Variants in ATP8A2 observed in about 807,000 individuals in gnomAD.
ATP8A2 encodes ATPase phospholipid transporting 8A2.
A neutral mutation model predicts 165.6 loss-of-function variants in ATP8A2; 100 were observed. The ratio of observed to expected loss-of-function variants is 0.60; its 90% CI spans 0.51 to 0.71. ATP8A2 has a LOEUF of 0.71. Among genes scored for constraint, ATP8A2 ranks in the 30% least tolerant of loss-of-function variants. ATP8A2 has a pLI of 0.00. For synonymous variants in ATP8A2, 543 were observed against 548.8 expected, an observed-to-expected ratio of 0.99 and a Z score of 0.15; for missense variants, 1,227 against 1,479.5, an observed-to-expected ratio of 0.83 and a Z score of 2.80.
chr13:25,586,653 A>G (rs1438810737), intron 23 of ATP8A2, among the ~76,000 whole-genome samples: 1 of 152,220 alleles, frequency 6.6e-6, no homozygotes, highest in African/African-American at 2.4e-5. Context: ...AGAACCAGTA[A>G]CATGCTCACT....
At chr13:25,830,864 G>A (rs1352289330) in intron 28 of ATP8A2, among the ~76,000 whole-genome samples, 4 of 152,282 alleles carry the variant, frequency 2.6e-5, no homozygotes, top group African/African-American at 7.2e-5. Flanking sequence ...GTCAATAGTA[G>A]CAAGAGCTTC....
intron 1 of ATP8A2, among the ~76,000 whole-genome samples, chr13:25,393,253 C>T (rs1253295046): frequency 6.6e-6 from 1 of 151,730 alleles, no homozygotes; most frequent in African/African-American, 2.4e-5. Context: ...CTTCAGTCTC[C>T]TGAGTATCTG....
intron 33 of ATP8A2, among the ~76,000 whole-genome samples, chr13:25,880,089 C>G (rs1180965821): frequency 6.6e-6 from 1 of 152,168 alleles, no homozygotes; most frequent in Non-Finnish European, 1.5e-5. Context: ...CATGGAGTGG[C>G]CTGTCCATGG....
intron 28 of ATP8A2, among the ~76,000 whole-genome samples, chr13:25,834,054 A>G (rs928609645): frequency 1.3e-5 from 2 of 152,238 alleles, no homozygotes; most frequent in Admixed American, 6.5e-5. Context: ...GCTCAAACTC[A>G]CTGATAGTTG....
chr13:25,877,417 A>T (rs1401472285), intron 33 of ATP8A2, among the ~76,000 whole-genome samples: 1 of 152,160 alleles, frequency 6.6e-6, no homozygotes. Flanking sequence ...GGAACATCTG[A>T]CTCATAAAGC....
chr13:25,500,856 C>T (rs1181649815), intron 2 of ATP8A2, among the ~76,000 whole-genome samples: 1 of 152,136 alleles, frequency 6.6e-6, no homozygotes, highest in African/African-American at 2.4e-5. Flanking sequence ...GGATTACAGG[C>T]GTGAGCCACC....
chr13:25,914,518 C>G (rs1954211620), intron 33 of ATP8A2, among the ~76,000 whole-genome samples: 2 of 152,174 alleles, frequency 1.3e-5, no homozygotes, highest in South Asian at 2.1e-4. Flanking sequence ...TTTTTATGCT[C>G]TTACTATTCC....
chr13:25,722,531 T>C (rs1013913599), intron 25 of ATP8A2, among the ~76,000 whole-genome samples: 2 of 152,220 alleles, frequency 1.3e-5, no homozygotes, highest in African/African-American at 4.8e-5. Flanking sequence ...ATCCTGTACA[T>C]GCTATGTATT....
At position 25,876,468 on chromosome 13, in the gene ATP8A2, G is replaced by C. The variant is rs1952822198; in HGVS notation, c.3183+14060G>C. Reference sequence around the variant, plus strand: ...TTGATAACGGGAGGACGAGGAGCCTGACTGTGATGGGGAAGGCCAGGTGGA... The same window carrying C: ...TTGATAACGGGAGGACGAGGAGCCTCACTGTGATGGGGAAGGCCAGGTGGA... On this transcript the variant is annotated intron_variant, in intron 33 of 36. Transcript: ENST00000381655. Among the ~76,000 whole-genome samples the C allele has an allele frequency of 2.6e-5, 4 of 152,304 alleles. No individual in the cohort carries two copies. The South Asian group carries it at 8.3e-4, about 32-fold the overall frequency.
Position 26,007,033 on chromosome 13 carries a change from G to C in ATP8A2, c.3378-5498G>C, listed in dbSNP as rs371256947. ...AACATAGATCTAAATTGCTTTTTCT[G>C]TGCCAATCTGTACTCCTCTTTTCTT... On this transcript the variant is annotated intron_variant, in intron 35 of 36. Transcript: ENST00000381655. 9.5e-5 allele frequency among the ~76,000 whole-genome samples: 14 copies of C among 148,016 alleles called. No individual in the cohort carries two copies. In the East Asian group the frequency reaches 2.2e-3, roughly 23 times the overall value.
intron 24 of ATP8A2, among the ~76,000 whole-genome samples, chr13:25,655,524 A>G (rs79945550): frequency 0.034 from 5,233 of 152,208 alleles, 156 homozygotes; most frequent in East Asian, 0.13. Context: ...AGATGGTAGG[A>G]AATAGTGAAG....
chr13:25,486,580 T>C (rs1354462161), intron 2 of ATP8A2, among the ~76,000 whole-genome samples: 1 of 152,210 alleles, frequency 6.6e-6, no homozygotes, highest in Non-Finnish European at 1.5e-5. Flanking sequence ...TAAAAGAAAC[T>C]TATGTGCTGC....
At chr13:25,515,811 A>T (rs1183711494) in intron 2 of ATP8A2, among the ~76,000 whole-genome samples, 5 of 152,162 alleles carry the variant, frequency 3.3e-5, no homozygotes, top group African/African-American at 4.8e-5. Flanking sequence ...TCATGTCTCT[A>T]TGTTGGATTT....
At chr13:25,479,068 G>A (rs533713635) in intron 2 of ATP8A2, among the ~76,000 whole-genome samples, 2 of 152,052 alleles carry the variant, frequency 1.3e-5, no homozygotes, top group Non-Finnish European at 2.9e-5. Context: ...GGATGGTATC[G>A]ATCTCCTGAC....
intron 30 of ATP8A2, among the ~76,000 whole-genome samples, chr13:25,852,017 T>C (rs1021251878): frequency 6.6e-6 from 1 of 152,050 alleles, no homozygotes; most frequent in African/African-American, 2.4e-5. Context: ...TTCTTCATAT[T>C]GGTTCTCTCT....
intron 2 of ATP8A2, among the ~76,000 whole-genome samples, chr13:25,485,408 G>C (rs908573574): frequency 2.0e-5 from 3 of 152,234 alleles, no homozygotes; most frequent in African/African-American, 7.2e-5. Context: ...AACAACATAA[G>C]GGAAGATTTC....
chr13:25,604,528 T>C (rs1410569587), intron 24 of ATP8A2, among the ~76,000 whole-genome samples: 3 of 152,240 alleles, frequency 2.0e-5, no homozygotes, highest in African/African-American at 7.2e-5. Flanking sequence ...TTTTCCAAAA[T>C]GTGTAGTAAA....
chr13:25,737,817 G>C (rs2043808352), intron 25 of ATP8A2, among the ~76,000 whole-genome samples: 1 of 152,170 alleles, frequency 6.6e-6, no homozygotes, highest in African/African-American at 2.4e-5. Context: ...CGAGTAGCTG[G>C]GACTTCAGGC....
intron 24 of ATP8A2, among the ~76,000 whole-genome samples, chr13:25,695,524 A>G (rs1566055687): frequency 6.6e-6 from 1 of 152,242 alleles, no homozygotes; most frequent in Non-Finnish European, 1.5e-5. Flanking sequence ...CAAAATTGGA[A>G]TCAATTATCC....
Sources: gnomAD v4.1 joint callset for allele counts (sites outside exome capture counted in the v4.1 genomes callset) on GRCh38, gnomAD v4.1.1 for gene constraint, MANE v1.5 for transcripts, NCBI Gene and HGNC (gene_info 2026-07-23, HGNC 2026-07-21) for gene names.